The following PNPLA8 variants were observed in gnomAD, a reference collection of about 807,000 sequenced individuals.
PNPLA8 encodes patatin like domain 8, phospholipase A2, also known as calcium-independent phospholipase A2-gamma.
PNPLA8 carries 39 observed loss-of-function variants against 76.9 expected under a neutral mutation model. The observed-to-expected ratio is 0.51, with a 90% CI of 0.39 to 0.66. PNPLA8 has a LOEUF of 0.66. PNPLA8 is among the 30% of genes least tolerant of loss of function. The pLI is 0.00. For synonymous variants in PNPLA8, 301 were observed against 307.9 expected, an observed-to-expected ratio of 0.98 and a Z score of 0.24; for missense variants, 887 against 918.0, an observed-to-expected ratio of 0.97 and a Z score of 0.44.
intron 9 of PNPLA8, among the ~76,000 whole-genome samples, chr7:108,487,234 A>G (rs191769028): frequency 6.6e-6 from 1 of 152,306 alleles, no homozygotes; most frequent in East Asian, 1.9e-4. Context: ...AACTTTTCCT[A>G]AGGTGCGAAT....
chr7:108,524,915 C>T (rs1029390657), intron 1 of PNPLA8, among the ~76,000 whole-genome samples: 8 of 152,208 alleles, frequency 5.3e-5, no homozygotes, highest in East Asian at 1.9e-4. Context: ...TTCAGCACAA[C>T]CCCTCTAACT....
At chr7:108,491,893 A>C (rs1263091618) in intron 7 of PNPLA8, among the ~76,000 whole-genome samples, 1 of 152,230 alleles carries the variant, frequency 6.6e-6, no homozygotes, top group Non-Finnish European at 1.5e-5. Context: ...CTGCAGAAGT[A>C]TGCACGGGCT....
chr7:108,505,323 T>C (rs1862281597), intron 4 of PNPLA8, among the ~76,000 whole-genome samples: 2 of 4,292 alleles, frequency 4.7e-4, no homozygotes, highest in African/African-American at 9.2e-4. Context: ...TATATATATA[T>C]ATATATATAT....
rs200128440 is a variant in PNPLA8 at position 108,482,056 on chromosome 7, CTATT to C, written c.1879-2681_1879-2678del. Among the ~76,000 whole-genome samples the C allele has an allele frequency of 2.1e-3, 315 of 152,294 alleles. 12 individuals are homozygous for C. The East Asian group carries it at 0.053, about 26-fold the overall frequency. On this transcript the variant is annotated intron_variant, in intron 9 of 10. Transcript: ENST00000257694. ...CTATTTCTGAACTCTCTATTTAATT[CTATT>C]TATCTACATATCTATCTTTATGCAA... is the stretch of plus-strand genomic sequence containing the variant.
intron 9 of PNPLA8, chr7:108,480,695 G>C (rs550372102): frequency 7.3e-6 from 3 of 410,012 alleles, no homozygotes; most frequent in Non-Finnish European, 1.5e-5. Flanking sequence ...CAGTAATATG[G>C]TGCATACAAC....
chr7:108,487,840 A>T lies in PNPLA8; in HGVS notation c.1797T>A (p.Tyr599Ter). 6.2e-7 allele frequency: 1 copy of T among 1,613,716 alleles called. No individual in the cohort carries two copies. Among genetic ancestry groups the T allele is most frequent in the Non-Finnish European group, 8.5e-7 (1 of 1,179,668 alleles). The change falls in exon 9 of 11, where the codon TAT becomes TAA. Residue 599 changes from tyrosine (Y) to a stop codon, truncating the protein, a stop_gained. Transcript: ENST00000257694. LOFTEE classifies it high-confidence loss of function. Reference sequence around the variant, plus strand: ...AGGCTCTAATGGCCTGCCACATTTTATACTGACAGCCTCCCAAATAATGAG... The same window carrying T: ...AGGCTCTAATGGCCTGCCACATTTTTTACTGACAGCCTCCCAAATAATGAG... ...INSHYLGGCQYKMWQAIRASS... is the reference protein window; with the variant it reads ...INSHYLGGCQ
At chr7:108,480,347 G>A (rs770512430) in intron 9 of PNPLA8, among the ~76,000 whole-genome samples, 26 of 152,122 alleles carry the variant, frequency 1.7e-4, no homozygotes, top group South Asian at 4.2e-4. Context: ...TAGCCTGGGC[G>A]ACAGAGCAAG....
In PNPLA8 at chr7:108,470,548, CAAATATGT is replaced by C. The variant is rs1484226149; in HGVS notation, c.*1845_*1852del. The C allele has an allele frequency of 6.6e-6, 1 of 152,028 alleles. No individual in the cohort carries two copies. Among genetic ancestry groups the C allele is most frequent in the African/African-American group, 2.4e-5 (1 of 41,402 alleles). The allele number at this position is 152,028 out of a possible 1,614,324, so 9.4% of individuals were successfully genotyped here. On this transcript the variant is annotated 3_prime_UTR_variant, in exon 11 of 11. Coordinates refer to ENST00000257694, the MANE Select transcript of PNPLA8 (RefSeq NM_001256007.3). ...ACTAGAGTGACCTTATGATGAGGTG[CAAATATGT>C]AAATATGCATAAATATTACTTTATT...
chr7:108,486,055 T>C (rs1860715738), intron 9 of PNPLA8, among the ~76,000 whole-genome samples: 1 of 152,018 alleles, frequency 6.6e-6, no homozygotes. Flanking sequence ...TGAACAGAAA[T>C]ATCACTAATC....
upstream of PNPLA8, chr7:108,526,175 G>T: frequency 1.3e-6 from 1 of 793,144 alleles, no homozygotes; most frequent in Non-Finnish European, 1.5e-6. Flanking sequence ...GCCCCGCCCC[G>T]CTCCGCCCCC....
rs1460860847 is a variant in PNPLA8 at position 108,515,028 on chromosome 7, T to G, written c.464A>C (p.Lys155Thr). ...LKQKNIKQAI[K>T]SLKKYSDKSA... The stretch of plus-strand genomic sequence containing the variant: ...TTTGTCACTATATTTTTTCAGAGAT[T>G]TGATGGCTTGTTTGATGTTTTTCTG... The change falls in exon 3 of 11, where the codon AAA becomes ACA. Residue 155 changes from lysine (K) to threonine (T), a missense_variant. Coordinates refer to ENST00000257694, the MANE Select transcript of PNPLA8 (RefSeq NM_001256007.3). 8 of 1,607,746 alleles carry G rather than the reference T, an allele frequency of 5.0e-6. No individual in the cohort carries two copies. The East Asian group carries it at 1.6e-4, about 31-fold the overall frequency.
At chr7:108,489,593 T>C (rs745511219) in intron 8 of PNPLA8, among the ~76,000 whole-genome samples, 1 of 152,234 alleles carries the variant, frequency 6.6e-6, no homozygotes, top group Non-Finnish European at 1.5e-5. Flanking sequence ...ATTTCATTAA[T>C]ACCTATGTTG....
chr7:108,502,781 G>A (rs1456949535), intron 4 of PNPLA8, 139 bp from the exon 5 acceptor site: 11 of 508,824 alleles, frequency 2.2e-5, no homozygotes, highest in Middle Eastern at 3.7e-4. Flanking sequence ...AATCTTATAA[G>A]ACAGATTAGT....
intron 4 of PNPLA8, among the ~76,000 whole-genome samples, chr7:108,513,375 A>G (rs907237877): frequency 6.6e-6 from 1 of 152,126 alleles, no homozygotes; most frequent in Non-Finnish European, 1.5e-5. Flanking sequence ...GGATGGGTAC[A>G]TTATTCAAAG....
At position 108,514,800 on chromosome 7, in the gene PNPLA8, C is replaced by A. The variant is rs373363815; in HGVS notation, c.692G>T (p.Arg231Leu). The A allele has an allele frequency of 1.2e-6, 2 of 1,613,000 alleles. No individual in the cohort carries two copies. The highest frequency in any genetic ancestry group is 2.2e-5 in the South Asian group (2 of 91,032). The part of the protein sequence containing the change: ...MSQQKENEHF[R>L]DKSELEDKKV... The stretch of plus-strand genomic sequence containing the variant: ...TTTATCTTCAAGTTCTGATTTGTCC[C>A]GGAAATGTTCATTTTCCTTTTGTTG... The change falls in exon 3 of 11, where the codon CGG (arginine) becomes CTG (leucine). Residue 231 changes from arginine to leucine, a missense_variant. Coordinates refer to ENST00000257694, the MANE Select transcript of PNPLA8 (RefSeq NM_001256007.3).
intron 9 of PNPLA8, among the ~76,000 whole-genome samples, chr7:108,485,396 T>C (rs1004481991): frequency 2.0e-5 from 3 of 152,108 alleles, no homozygotes; most frequent in Non-Finnish European, 4.4e-5. Flanking sequence ...AATCTCCCCA[T>C]TCACCTACAC....
intron 9 of PNPLA8, among the ~76,000 whole-genome samples, chr7:108,482,604 C>T (rs919295489): frequency 6.6e-6 from 1 of 152,176 alleles, no homozygotes; most frequent in African/African-American, 2.4e-5. Flanking sequence ...ATTTATGGAT[C>T]ACTTCAGGAA....
chr7:108,500,767 G>T (rs1345126875), intron 5 of PNPLA8, among the ~76,000 whole-genome samples: 1 of 152,088 alleles, frequency 6.6e-6, no homozygotes, highest in Non-Finnish European at 1.5e-5. Flanking sequence ...AAAGTAGCTG[G>T]GTGTGGTAGT....
In PNPLA8 at chr7:108,496,599, C is replaced by A; in HGVS notation, c.1610G>T (p.Trp537Leu). 1 of 1,593,966 alleles carries A rather than the reference C, an allele frequency of 6.3e-7. No homozygotes were observed. Among genetic ancestry groups the A allele is most frequent in the South Asian group, 1.1e-5 (1 of 87,476 alleles). The change falls in exon 7 of 11, where the codon TGG becomes TTG. Residue 537 changes from tryptophan to leucine, a missense_variant. Physicochemically the swap from Trp to Leu is moderately conservative, Grantham distance 61. Transcript: ENST00000257694. ...WSHAFYDSQT[W>L]ENILKDRMGS... ...TGTAACTTACTTAAGAATGTTTTCC[C>A]ATGTTTGACTGTCATAAAATGCATG...
Sources: gnomAD v4.1 joint callset for allele counts (sites outside exome capture counted in the v4.1 genomes callset) on GRCh38, gnomAD v4.1.1 for gene constraint, MANE v1.5 for transcripts, NCBI Gene and HGNC (gene_info 2026-07-23, HGNC 2026-07-21) for gene names.